The following DENND3 variants were observed in gnomAD, a reference collection of about 807,000 sequenced individuals.
DENND3 encodes the protein DENN domain-containing protein 3.
A neutral mutation model predicts 135.1 loss-of-function variants in DENND3; 88 were observed. The observed-to-expected ratio is 0.65, with a 90% CI of 0.55 to 0.78. The LOEUF (loss-of-function observed/expected upper bound fraction) is 0.78. Ranked by LOEUF, DENND3 falls within the 30% of genes least tolerant of loss-of-function variation. The pLI is 0.00. For missense variants in DENND3, 1,392 were observed against 1,688.4 expected (o/e 0.82, Z 3.08); for synonymous variants, 693 against 712.3 (o/e 0.97, Z 0.43).
chr8:141,190,698 C>T, intron 20 of DENND3: 2 of 363,362 alleles, frequency 5.5e-6, no homozygotes, highest in Non-Finnish European at 9.9e-6. Flanking sequence ...TTGGCTTTTG[C>T]TGTGCCCTGC....
At chr8:141,189,234 C>T (rs1306818416) in intron 19 of DENND3, 88 bp downstream of exon 19, 4 of 1,566,008 alleles carry the variant, frequency 2.6e-6, no homozygotes, top group Admixed American at 1.8e-5. Context: ...GTCTTGTGCC[C>T]ACAGGGGCCA....
chr8:141,179,732 A>ACAGTGTGAT (rs1482697684), intron 16 of DENND3, among the ~76,000 whole-genome samples: 6 of 152,212 alleles, frequency 3.9e-5, no homozygotes, highest in Non-Finnish European at 5.9e-5. Flanking sequence ...CCCCTTGCTG[A>ACAGTGTGAT]CAGTGTGATC....
rs553498983 is a variant in DENND3, at chr8:141,158,146, G to A, written c.1196+2176G>A. 57 of 1,288,700 alleles carry A rather than the reference G, an allele frequency of 4.4e-5. No homozygotes were observed. The African/African-American group carries it at 8.2e-4, about 19-fold the overall frequency. 79.8% of individuals were successfully genotyped at this position (1,288,700 alleles called of 1,614,324 possible). A position where few individuals can be genotyped will look rare whatever the true frequency, so the allele number is the denominator to read the frequency against. On this transcript the variant is annotated intron_variant, in intron 8 of 22. Transcript: ENST00000519811. ...GCGATGGTCCTGCACAGGCAAGGCT[G>A]GTTTCTGCTTGCTTGGGCTGTGGAA...
chr8:141,160,619 T>C lies in DENND3; in HGVS notation c.1197-13T>C. On this transcript the variant is annotated splice_polypyrimidine_tract_variant and intron_variant, in intron 8 of 22. Coordinates refer to ENST00000519811, the MANE Select transcript of DENND3 (RefSeq NM_001352890.3). Reference sequence around the variant, plus strand: ...TGCTGGGGCTGAGCTAGCTTCGGTCTGCCTCCTTCCAGGGTGCAGAGCCTC... The same window carrying C: ...TGCTGGGGCTGAGCTAGCTTCGGTCCGCCTCCTTCCAGGGTGCAGAGCCTC... 1 of 1,588,388 alleles carries C rather than the reference T, an allele frequency of 6.3e-7. No homozygotes were observed. Among genetic ancestry groups the C allele is most frequent in the Non-Finnish European group, 8.6e-7 (1 of 1,161,322 alleles).
intron 1 of DENND3, among the ~76,000 whole-genome samples, chr8:141,134,955 C>G (rs139805251): frequency 6.6e-6 from 1 of 151,946 alleles, no homozygotes; most frequent in East Asian, 1.9e-4. Flanking sequence ...CTCAGCCCCC[C>G]GCCCGGCCGA....
chr8:141,148,239 G>A (rs1027589254), intron 5 of DENND3, among the ~76,000 whole-genome samples: 3 of 152,174 alleles, frequency 2.0e-5, no homozygotes, highest in Non-Finnish European at 4.4e-5. Context: ...CTATGCTGGT[G>A]GAAAGGAGGG....
chr8:141,158,523 T>C (rs916031911), intron 8 of DENND3, among the ~76,000 whole-genome samples: 4 of 152,218 alleles, frequency 2.6e-5, no homozygotes, highest in Non-Finnish European at 5.9e-5. Context: ...AGCCTCATTT[T>C]TGGAGACTCT....
At chr8:141,178,761 A>C (rs1249373226) in intron 16 of DENND3, among the ~76,000 whole-genome samples, 1 of 152,054 alleles carries the variant, frequency 6.6e-6, no homozygotes, top group Non-Finnish European at 1.5e-5. Flanking sequence ...TGTCCTGTAG[A>C]TTTGCATCTG....
At chr8:141,185,085 C>T in intron 17 of DENND3, 54 bp from the exon 18 acceptor site, 1 of 1,571,142 alleles carries the variant, frequency 6.4e-7, no homozygotes, top group South Asian at 1.2e-5. Context: ...CAGTCACCTG[C>T]TGCTACAGCA....
Position 141,141,479 on chromosome 8 carries a change from G to GCACAGAGAACT in DENND3, c.623+155_623+156insCACAGAGAACT. On this transcript the variant is annotated intron_variant, in intron 4 of 22. Coordinates refer to ENST00000519811, the MANE Select transcript of DENND3 (RefSeq NM_001352890.3). This position sits in a 1 kb window ranked among gnomAD's most constrained non-coding sequence, Gnocchi z 5.3. The stretch of plus-strand genomic sequence containing the variant: ...GACCGGGCGCTGGGGGCAGTAGGAG[G>GCACAGAGAACT]GGCAGTTCTCTGTGCCTCTTAGGCT... 1 of 884,218 alleles carries GCACAGAGAACT rather than the reference G, an allele frequency of 1.1e-6. No homozygotes were observed. The highest frequency in any genetic ancestry group is 1.7e-6 in the Non-Finnish European group (1 of 586,488). The allele number at this position is 884,218 out of a possible 1,614,324, so 54.8% of individuals were successfully genotyped here. A position where few individuals can be genotyped will look rare whatever the true frequency, so the allele number is the denominator to read the frequency against.
chr8:141,160,180 T>C (rs374136557), intron 8 of DENND3, among the ~76,000 whole-genome samples: 1 of 83,222 alleles, frequency 1.2e-5, no homozygotes, highest in African/African-American at 4.9e-5. Flanking sequence ...CGATGTATTT[T>C]TTTTTTTTTT....
intron 16 of DENND3, among the ~76,000 whole-genome samples, chr8:141,178,796 A>G (rs1297247681): frequency 6.6e-6 from 1 of 152,202 alleles, no homozygotes; most frequent in Non-Finnish European, 1.5e-5. Context: ...GAAGCCATAG[A>G]GGCTGGTGCT....
intron 15 of DENND3, 96 bp downstream of exon 15, chr8:141,176,857 C>G: frequency 1.4e-6 from 2 of 1,417,474 alleles, no homozygotes; most frequent in East Asian, 2.3e-5. Context: ...TGTGAGTGCT[C>G]GGGCTCGGGT....
Position 141,146,969 on chromosome 8 carries a change from G to A in DENND3, c.735+2710G>A, listed in dbSNP as rs1818221907. 6.6e-6 allele frequency among the ~76,000 whole-genome samples: 1 copy of A among 152,236 alleles called. No homozygotes were observed. Among genetic ancestry groups the A allele is most frequent in the Non-Finnish European group, 1.5e-5 (1 of 68,048 alleles). ...GAGCAGTTTCAGGGTCAGCAGTAAT[G>A]AGCTGCACTCGGCCTTTGAACATAA... On this transcript the variant is annotated intron_variant, in intron 5 of 22. Coordinates refer to ENST00000519811, the MANE Select transcript of DENND3 (RefSeq NM_001352890.3). This position sits in a 1 kb window ranked among gnomAD's most constrained non-coding sequence, Gnocchi z 4.3.
rs746760687 is a variant in DENND3, at chr8:141,174,276, A to T, written c.2276-924A>T. Among the ~76,000 whole-genome samples the T allele has an allele frequency of 5.3e-5, 8 of 152,156 alleles. No individual in the cohort carries two copies. The highest frequency in any genetic ancestry group is 8.8e-5 in the Non-Finnish European group (6 of 68,022). On this transcript the variant is annotated intron_variant, in intron 13 of 22. Transcript: ENST00000519811. This position sits in a 1 kb window ranked among gnomAD's most constrained non-coding sequence, Gnocchi z 4.6. ...GGGAACTCCTCTCTGCATTTGAGAAAAGTGGCTCTGAGTGCCACGCAAAGC... is the reference window on the plus strand; with the variant it reads ...GGGAACTCCTCTCTGCATTTGAGAATAGTGGCTCTGAGTGCCACGCAAAGC...
intron 5 of DENND3, among the ~76,000 whole-genome samples, chr8:141,149,014 G>A (rs1048256394): frequency 1.3e-5 from 2 of 151,746 alleles, no homozygotes; most frequent in Non-Finnish European, 2.9e-5. Flanking sequence ...GGGTTTAGGC[G>A]ATTTTCCTGC....
rs777141456 is a variant in DENND3, at chr8:141,138,127, G to A, written c.491G>A (p.Arg164Gln). The A allele has an allele frequency of 1.6e-5, 25 of 1,604,500 alleles. No homozygotes were observed. Among genetic ancestry groups the A allele is most frequent in the African/African-American group, 8.0e-5 (6 of 74,782 alleles). ...RTYGVVAQYY[R>Q]PLHDEYCFYN... ...TATGGCGTGGTGGCCCAGTACTACC[G>A]GCCCCTGCATGTAGGTGGTTCCCGT... Residue 164 changes from arginine (R) to glutamine (Q), a missense_variant, in exon 3 of 23, where the codon CGG becomes CAG. Physicochemically the swap from Arg to Gln is conservative, Grantham distance 43. Transcript: ENST00000519811. This position sits in a 1 kb window ranked among gnomAD's most constrained non-coding sequence, Gnocchi z 4.8.
chr8:141,141,591 G>A lies in DENND3; in HGVS notation c.623+267G>A. On this transcript the variant is annotated intron_variant, in intron 4 of 22. Transcript: ENST00000519811. The surrounding 1 kb of genome is among the most constrained non-coding windows in gnomAD (Gnocchi z 5.3). ...GGTAACATACGGTAATGGCATGGTA[G>A]GAAAGGGATGAAGCCACACTGTCGG... The A allele has an allele frequency of 2.1e-6, 1 of 482,008 alleles. No homozygotes were observed. The highest frequency in any genetic ancestry group is 2.5e-5 in the South Asian group (1 of 40,394). 29.9% of individuals were successfully genotyped at this position (482,008 alleles called of 1,614,324 possible). A position where few individuals can be genotyped will look rare whatever the true frequency, so the allele number is the denominator to read the frequency against.
At chr8:141,162,049 C>G (rs552603464) in intron 9 of DENND3, among the ~76,000 whole-genome samples, 9 of 152,286 alleles carry the variant, frequency 5.9e-5, no homozygotes, top group African/African-American at 2.2e-4. Flanking sequence ...AGGTGATCCT[C>G]CTGCCTCGAC....
Sources: gnomAD v4.1 joint callset for allele counts (sites outside exome capture counted in the v4.1 genomes callset) on GRCh38, gnomAD v4.1.1 for gene constraint, Gnocchi (gnomAD v3.1) non-coding constraint, MANE v1.5 for transcripts, NCBI Gene and HGNC (gene_info 2026-07-23, HGNC 2026-07-21) for gene names.